Variants in ATP8B4 observed in about 807,000 individuals in gnomAD.
ATP8B4 encodes ATPase phospholipid transporting 8B4 (putative), also known as probable phospholipid-transporting ATPase IM.
In ATP8B4, 133 loss-of-function variants were observed where a neutral mutation model predicts 145.6. That is an observed-to-expected ratio of 0.91 (90% confidence interval 0.79 to 1.05). The LOEUF is 1.05. ATP8B4 is among the 50% of genes least tolerant of loss of function. ATP8B4 has a pLI of 0.00. For synonymous variants in ATP8B4, 507 were observed against 492.9 expected (o/e 1.03, Z -0.38); for missense variants, 1,458 against 1,425.2 (o/e 1.02, Z -0.37).
intron 21 of ATP8B4, among the ~76,000 whole-genome samples, chr15:49,900,308 A>C (rs1442093592): frequency 6.6e-6 from 1 of 152,230 alleles, no homozygotes; most frequent in African/African-American, 2.4e-5. Context: ...CAATATCCTC[A>C]TACCCAACTT....
chr15:49,917,086 C>T (rs1315458342), intron 19 of ATP8B4, 47 bp from the exon 20 acceptor site: 1 of 1,568,620 alleles, frequency 6.4e-7, no homozygotes, highest in South Asian at 1.1e-5. Context: ...ACTTAATAAC[C>T]TAAGTCCATT....
intron 1 of ATP8B4, among the ~76,000 whole-genome samples, chr15:50,172,333 G>A (rs927796494): frequency 1.3e-5 from 2 of 152,242 alleles, no homozygotes; most frequent in African/African-American, 2.4e-5. Context: ...TGGTGGAGAC[G>A]GGGTTTCCCC....
At chr15:49,923,358 C>T (rs1442058565) in intron 17 of ATP8B4, 21 bp downstream of exon 17, 1 of 1,546,138 alleles carries the variant, frequency 6.5e-7, no homozygotes, top group Non-Finnish European at 8.9e-7. Context: ...ATTGTGCTAA[C>T]CTTAAGACGG....
At chr15:50,116,504 A>G (rs1156232731) in intron 1 of ATP8B4, among the ~76,000 whole-genome samples, 1 of 152,228 alleles carries the variant, frequency 6.6e-6, no homozygotes, top group African/African-American at 2.4e-5. Context: ...ACATCCTCAC[A>G]GCACTAAAGA....
intron 14 of ATP8B4, 143 bp from the exon 15 acceptor site, chr15:49,934,325 A>C (rs1244990477): frequency 1.1e-6 from 1 of 903,108 alleles, no homozygotes; most frequent in Admixed American, 3.0e-5. Context: ...CTGTTTCATC[A>C]TTACTGTTAA....
At chr15:50,023,150 C>G (rs1025124345) in intron 6 of ATP8B4, among the ~76,000 whole-genome samples, 3 of 152,182 alleles carry the variant, frequency 2.0e-5, no homozygotes, top group African/African-American at 7.2e-5. Flanking sequence ...TCCAAGCCCT[C>G]TCTGCTTTCT....
chr15:49,987,628 C>A, intron 9 of ATP8B4, 79 bp from the exon 10 acceptor site: 1 of 1,418,278 alleles, frequency 7.1e-7, no homozygotes, highest in Admixed American at 2.0e-5. Flanking sequence ...ACTGTTTTAC[C>A]ACTGTTTCCC....
intron 24 of ATP8B4, among the ~76,000 whole-genome samples, chr15:49,876,998 A>C (rs1478806046): frequency 2.0e-5 from 3 of 152,314 alleles, no homozygotes; most frequent in Admixed American, 6.5e-5. Context: ...AGAGCTCATG[A>C]CTTTGGAGGG....
At chr15:49,968,036 T>C (rs6493390) in intron 13 of ATP8B4, among the ~76,000 whole-genome samples, 111,603 of 151,796 alleles carry the variant, frequency 0.74, 42,682 homozygotes, top group East Asian at 1. Context: ...GCTTCATAAG[T>C]GAAGGAGAAA....
chr15:49,976,172 G>A (rs1751211334), intron 12 of ATP8B4, among the ~76,000 whole-genome samples: 1 of 151,876 alleles, frequency 6.6e-6, no homozygotes, highest in South Asian at 2.1e-4. Flanking sequence ...AGTATGATAT[G>A]GTATTAAGAT....
At chr15:49,862,800 T>A (rs996286830) in intron 26 of ATP8B4, among the ~76,000 whole-genome samples, 2 of 152,134 alleles carry the variant, frequency 1.3e-5, no homozygotes, top group Non-Finnish European at 2.9e-5. Context: ...AATGTCACCA[T>A]GATGATAAGA....
intron 16 of ATP8B4, among the ~76,000 whole-genome samples, chr15:49,925,802 C>T (rs1318347184): frequency 1.3e-5 from 2 of 152,148 alleles, no homozygotes; most frequent in Non-Finnish European, 2.9e-5. Flanking sequence ...TTTGCTTTAG[C>T]AGCAAGTTTT....
At chr15:50,134,745 G>C (rs572748267) in intron 1 of ATP8B4, among the ~76,000 whole-genome samples, 6 of 152,340 alleles carry the variant, frequency 3.9e-5, no homozygotes, top group African/African-American at 1.4e-4. Flanking sequence ...TTTGGCAACA[G>C]AAGGGGAAGG....
chr15:50,054,424 T>G (rs1226488120), intron 3 of ATP8B4, among the ~76,000 whole-genome samples: 1 of 152,206 alleles, frequency 6.6e-6, no homozygotes, highest in African/African-American at 2.4e-5. Flanking sequence ...TAATGGCTAT[T>G]GCAACCAGTA....
chr15:50,076,509 A>G (rs1456226609), intron 2 of ATP8B4, among the ~76,000 whole-genome samples: 1 of 151,810 alleles, frequency 6.6e-6, no homozygotes, highest in Non-Finnish European at 1.5e-5. Flanking sequence ...AAGAAAAAAG[A>G]AAAAAAAGAA....
At position 49,858,737 on chromosome 15, in the gene ATP8B4, A is replaced by G. The variant is rs552942963; in HGVS notation, c.*1457T>C. The G allele has an allele frequency of 1.3e-5, 2 of 152,336 alleles. No homozygotes were observed. Among genetic ancestry groups the G allele is most frequent in the African/African-American group, 4.8e-5 (2 of 41,576 alleles). The allele number at this position is 152,336 out of a possible 1,614,324, so 9.4% of individuals were successfully genotyped here. ...TAATTTTATTTCCCTGTAGGACCCT[A>G]ACCAGTTTTATATCTTTCTGGCAAT... On this transcript the variant is annotated 3_prime_UTR_variant, in exon 28 of 28. Coordinates refer to ENST00000284509, the MANE Select transcript of ATP8B4 (RefSeq NM_024837.4).
At chr15:49,994,060 C>G (rs1199580832) in intron 9 of ATP8B4, among the ~76,000 whole-genome samples, 1 of 152,112 alleles carries the variant, frequency 6.6e-6, no homozygotes, top group Non-Finnish European at 1.5e-5. Context: ...AGTCCTTTAA[C>G]TTCTCAAGAC....
chr15:50,141,647 A>G (rs1015858456), intron 1 of ATP8B4, among the ~76,000 whole-genome samples: 1 of 152,238 alleles, frequency 6.6e-6, no homozygotes, highest in African/African-American at 2.4e-5. Context: ...GAACTTGTGA[A>G]GGAGCCGCAC....
At chr15:49,994,533 C>T (rs1192950719) in intron 9 of ATP8B4, among the ~76,000 whole-genome samples, 5 of 152,040 alleles carry the variant, frequency 3.3e-5, no homozygotes, top group South Asian at 4.2e-4. Flanking sequence ...CCCTGTGTAG[C>T]TTACACTGAA....
Sources: gnomAD v4.1 joint callset for allele counts (sites outside exome capture counted in the v4.1 genomes callset) on GRCh38, gnomAD v4.1.1 for gene constraint, MANE v1.5 for transcripts, NCBI Gene and HGNC (gene_info 2026-07-23, HGNC 2026-07-21) for gene names.